RAB31: variants seen among roughly 807,000 people sequenced by gnomAD.
RAB31 encodes the protein RAB31, member RAS oncogene family.
In RAB31, 21 loss-of-function variants were observed where a neutral mutation model predicts 25.6. The observed-to-expected ratio is 0.82, with a 90% CI of 0.58 to 1.18. The LOEUF is 1.18. Among genes scored for constraint, RAB31 ranks in the 50% most tolerant of loss-of-function variants. RAB31 has a pLI of 0.00. For synonymous variants in RAB31, 87 were observed against 84.0 expected, an observed-to-expected ratio of 1.04 and a Z score of -0.20; for missense variants, 196 against 250.1, an observed-to-expected ratio of 0.78 and a Z score of 1.46.
Position 9,775,371 on chromosome 18 carries a change from T to G in RAB31, c.119+14T>G, listed in dbSNP as rs1324019109. On this transcript the variant is annotated intron_variant, in intron 2 of 6. Transcript: ENST00000578921. ...CCCTACTATTGGGTAAGTTCCTGTA[T>G]GTCATTCTCCTTCGCGTTGCTTCCT... The G allele has an allele frequency of 6.2e-7, 1 of 1,613,702 alleles. No individual in the cohort carries two copies. The highest frequency in any genetic ancestry group is 8.5e-7 in the Non-Finnish European group (1 of 1,179,674).
intron 1 of RAB31, among the ~76,000 whole-genome samples, chr18:9,715,254 G>A (rs2068038093): frequency 6.6e-6 from 1 of 152,034 alleles, no homozygotes; most frequent in Admixed American, 6.6e-5. Context: ...GGACAGGGAA[G>A]GAAAGGTGGG....
In RAB31 at chr18:9,814,140, CACTT is replaced by C. The variant is rs562207161; in HGVS notation, c.273+51_273+54del. On this transcript the variant is annotated intron_variant, in intron 4 of 6. Coordinates refer to ENST00000578921, the MANE Select transcript of RAB31 (RefSeq NM_006868.4). ...TAGATGTCATTTATGGTGGTTCTCT[CACTT>C]AGAGAGACTGGAGCAGAGACGTCAC... 4.3e-4 allele frequency: 589 copies of C among 1,381,276 alleles called. 8 individuals carry two copies. In the East Asian group the frequency reaches 0.014, roughly 32 times the overall value. The allele number at this position is 1,381,276 out of a possible 1,614,324, so 85.6% of individuals were successfully genotyped here. A position where few individuals can be genotyped will look rare whatever the true frequency, so the allele number is the denominator to read the frequency against.
At chr18:9,788,528 A>G (rs1318846167) in intron 2 of RAB31, among the ~76,000 whole-genome samples, 1 of 152,264 alleles carries the variant, frequency 6.6e-6, no homozygotes, top group Non-Finnish European at 1.5e-5. Context: ...GAACTGCCAT[A>G]CAATCCAGCA....
Position 9,859,307 on chromosome 18 carries a change from C to T in RAB31, c.570C>T (p.Ala190=), listed in dbSNP as rs774740466. Residue 190 remains alanine, a synonymous_variant, in exon 7 of 7, where the codon GCC becomes GCT. Coordinates refer to ENST00000578921, the MANE Select transcript of RAB31 (RefSeq NM_006868.4). ...TIKVEKPTMQ[A]SRRCC ...AAGTTGAGAAGCCAACCATGCAAGCCAGCCGCCGGTGCTGTTGACCCAAGG... is the reference window on the plus strand; with the variant it reads ...AAGTTGAGAAGCCAACCATGCAAGCTAGCCGCCGGTGCTGTTGACCCAAGG... The T allele has an allele frequency of 8.7e-6, 14 of 1,612,864 alleles. No homozygotes were observed. In the East Asian group the frequency reaches 1.8e-4, roughly 21 times the overall value.
intron 5 of RAB31, among the ~76,000 whole-genome samples, chr18:9,844,249 A>C (rs542048432): frequency 1.3e-5 from 2 of 151,676 alleles, no homozygotes; most frequent in Non-Finnish European, 1.5e-5. Context: ...CTCAGCTCCA[A>C]CCTCTCTGAC....
At chr18:9,813,865 T>A (rs903382923) in intron 3 of RAB31, among the ~76,000 whole-genome samples, 155 bp from the exon 4 acceptor site, 1 of 151,842 alleles carries the variant, frequency 6.6e-6, no homozygotes, top group African/African-American at 2.4e-5. Context: ...AAAAATAAAA[T>A]AAAATAAATA....
chr18:9,715,351 T>C (rs984382022), intron 1 of RAB31, among the ~76,000 whole-genome samples: 5 of 151,822 alleles, frequency 3.3e-5, no homozygotes, highest in African/African-American at 9.7e-5. Flanking sequence ...CACTCTTCCA[T>C]TGACACCCCC....
intron 6 of RAB31, among the ~76,000 whole-genome samples, chr18:9,848,405 C>G (rs1262379001): frequency 1.3e-5 from 2 of 152,080 alleles, no homozygotes; most frequent in African/African-American, 4.8e-5. Flanking sequence ...TCTATCTAGC[C>G]ATCCGTCTGT....
At position 9,841,933 on chromosome 18, in the gene RAB31, A is replaced by G. The variant is rs576253557; in HGVS notation, c.381-3649A>G. ...CTTAGTTTGGGTTTGGTGAAGGGGAACTTAAGCATGGGTGACTACTTTTAT... is the reference window on the plus strand; with the variant it reads ...CTTAGTTTGGGTTTGGTGAAGGGGAGCTTAAGCATGGGTGACTACTTTTAT... On this transcript the variant is annotated intron_variant, in intron 5 of 6. Coordinates refer to ENST00000578921, the MANE Select transcript of RAB31 (RefSeq NM_006868.4). Among the ~76,000 whole-genome samples, 3 of 152,276 alleles carry G rather than the reference A, an allele frequency of 2.0e-5. No homozygotes were observed. In the East Asian group the frequency reaches 5.8e-4, roughly 29 times the overall value.
chr18:9,814,617 T>G (rs2068591811), intron 4 of RAB31: 1 of 159,184 alleles, frequency 6.3e-6, no homozygotes, highest in Non-Finnish European at 1.4e-5. Context: ...GAGTGTTGAC[T>G]CAGCACATAA....
chr18:9,814,059 G>A lies in RAB31; in HGVS notation c.241G>A (p.Ala81Thr), dbSNP rs947653346. The A allele has an allele frequency of 6.3e-7, 1 of 1,594,580 alleles. No homozygotes were observed. Residue 81 changes from alanine (A) to threonine (T), a missense_variant, in exon 4 of 7, where the codon GCA (alanine) becomes ACA (threonine). By Grantham distance (58) the Ala-to-Thr change is moderately conservative. Transcript: ENST00000578921. ...LAPMYYRGSAAAVIVYDITKQ... is the reference protein window; with the variant it reads ...LAPMYYRGSATAVIVYDITKQ... ...TCCCATGTACTATCGAGGCTCAGCT[G>A]CAGCTGTTATCGTGTATGATATTAC... is the stretch of plus-strand genomic sequence containing the variant.
intron 3 of RAB31, among the ~76,000 whole-genome samples, chr18:9,806,299 A>C (rs1172994647): frequency 6.6e-6 from 1 of 152,136 alleles, no homozygotes; most frequent in East Asian, 1.9e-4. Flanking sequence ...AGGGTTATTG[A>C]CTTTTATTAC....
intron 1 of RAB31, among the ~76,000 whole-genome samples, chr18:9,770,852 CT>C (rs34745235): frequency 0.16 from 20,893 of 128,494 alleles, 1,427 homozygotes; most frequent in South Asian, 0.31. Flanking sequence ...AGAAATTTGA[CT>C]TTTTTTTTTT....
intron 5 of RAB31, among the ~76,000 whole-genome samples, chr18:9,839,640 G>A (rs1247928719): frequency 6.6e-6 from 1 of 152,120 alleles, no homozygotes; most frequent in Non-Finnish European, 1.5e-5. Flanking sequence ...GTGGTTGGTC[G>A]GGCTTTGACA....
At chr18:9,807,366 C>T (rs552274991) in intron 3 of RAB31, among the ~76,000 whole-genome samples, 16 of 151,002 alleles carry the variant, frequency 1.1e-4, no homozygotes, top group South Asian at 6.3e-4. Flanking sequence ...CTGGGCAGAG[C>T]GGAGAGAGGG....
At chr18:9,837,550 G>A (rs981080432) in intron 5 of RAB31, among the ~76,000 whole-genome samples, 2 of 152,040 alleles carry the variant, frequency 1.3e-5, no homozygotes, top group African/African-American at 2.4e-5. Flanking sequence ...AAAAAAATTC[G>A]GAAAATGTAT....
chr18:9,816,090 T>A (rs1318068858), intron 5 of RAB31: 2 of 109,208 alleles, frequency 1.8e-5, no homozygotes, highest in Non-Finnish European at 3.6e-5. Flanking sequence ...GTCATCCGTG[T>A]AGATGCTGTC....
chr18:9,799,123 T>C (rs2068501423), intron 3 of RAB31, among the ~76,000 whole-genome samples: 1 of 152,172 alleles, frequency 6.6e-6, no homozygotes, highest in African/African-American at 2.4e-5. Flanking sequence ...TGCTATGTTG[T>C]GCAGGCTGGG....
chr18:9,728,761 C>T (rs895723906), intron 1 of RAB31, among the ~76,000 whole-genome samples: 1 of 152,134 alleles, frequency 6.6e-6, no homozygotes, highest in Non-Finnish European at 1.5e-5. Context: ...TGGTCTCGAA[C>T]TCCTGACCTC....
Sources: allele counts gnomAD v4.1 joint callset (sites outside exome capture counted in the v4.1 genomes callset), GRCh38; gene constraint gnomAD v4.1.1; transcripts MANE v1.5; gene names NCBI Gene and HGNC (gene_info 2026-07-23, HGNC 2026-07-21).